Variants in DENND5B observed in about 807,000 individuals in gnomAD.
The protein encoded by DENND5B is DENN domain containing 5B.
Under a neutral mutation model 140.6 loss-of-function variants are expected in DENND5B, and 34 were observed. The ratio of observed to expected loss-of-function variants is 0.24; its 90% CI spans 0.18 to 0.32. The LOEUF (loss-of-function observed/expected upper bound fraction) is 0.32. Ranked by LOEUF, DENND5B falls within the 10% of genes least tolerant of loss-of-function variation. DENND5B has a pLI of 1.00. For missense variants in DENND5B, 1,142 were observed against 1,560.2 expected (o/e 0.73, Z 4.52); for synonymous variants, 551 against 562.1 (o/e 0.98, Z 0.28).
intron 2 of DENND5B, among the ~76,000 whole-genome samples, chr12:31,480,890 C>T (rs1171493831): frequency 6.6e-6 from 1 of 152,144 alleles, no homozygotes; most frequent in Non-Finnish European, 1.5e-5. Flanking sequence ...TTTTAGATTA[C>T]TTCTAGTAGA....
chr12:31,494,221 T>TATCTACCTACCTAC (rs3034051), intron 2 of DENND5B, among the ~76,000 whole-genome samples: 3 of 106,570 alleles, frequency 2.8e-5, no homozygotes, highest in African/African-American at 1.1e-4. Context: ...CCTACCTACC[T>TATCTACCTACCTAC]CTACCTACCT....
intron 1 of DENND5B, among the ~76,000 whole-genome samples, chr12:31,555,223 T>C (rs1434140617): frequency 6.6e-6 from 1 of 152,194 alleles, no homozygotes; most frequent in Admixed American, 6.5e-5. Flanking sequence ...GACGTACAGA[T>C]GGGTTTTTGG....
At chr12:31,485,010 C>T (rs548653332) in intron 2 of DENND5B, among the ~76,000 whole-genome samples, 2 of 152,138 alleles carry the variant, frequency 1.3e-5, no homozygotes, top group South Asian at 2.1e-4. Context: ...CAAACTTGCA[C>T]CAAAAAAAGG....
intron 3 of DENND5B, among the ~76,000 whole-genome samples, chr12:31,471,174 G>A (rs549007193): frequency 2.6e-4 from 40 of 152,266 alleles, no homozygotes; most frequent in African/African-American, 3.4e-4. Flanking sequence ...CACTCCCAAC[G>A]GGAAAAATTA....
intron 1 of DENND5B, among the ~76,000 whole-genome samples, chr12:31,505,073 C>G (rs1350547920): frequency 6.6e-6 from 1 of 152,146 alleles, no homozygotes; most frequent in East Asian, 1.9e-4. Flanking sequence ...CAGCAGTTAG[C>G]TATTCATGTG....
intron 19 of DENND5B, 52 bp downstream of exon 19, chr12:31,392,215 T>G: frequency 6.2e-7 from 1 of 1,602,388 alleles, no homozygotes. Flanking sequence ...GTCTTTGAGT[T>G]CCTAAGAAAG....
At chr12:31,427,209 C>A (rs1943279440) in intron 8 of DENND5B, among the ~76,000 whole-genome samples, 1 of 152,202 alleles carries the variant, frequency 6.6e-6, no homozygotes, top group East Asian at 1.9e-4. Context: ...GAAACTTAAC[C>A]AAATGCTCTT....
intron 1 of DENND5B, among the ~76,000 whole-genome samples, chr12:31,553,398 C>T (rs12823401): frequency 1.3e-5 from 2 of 152,048 alleles, no homozygotes; most frequent in Admixed American, 6.6e-5. Context: ...AATCCTGAGT[C>T]CTAGTTTGAT....
At position 31,399,657 on chromosome 12, in the gene DENND5B, T is replaced by C; in HGVS notation, c.3065A>G (p.Tyr1022Cys). ...MVRNEITGHT[Y>C]RFPCGRWLGK... ...GTTCCCAAGGCCATTTACTTACCTG[T>C]ATGTATGTCCTGTGATTTCATTTCT... Residue 1022 changes from tyrosine (Y) to cysteine (C), a missense_variant, in exon 16 of 21, where the codon TAC (tyrosine) becomes TGC (cysteine). Transcript: ENST00000389082. 4 of 1,612,450 alleles carry C rather than the reference T, an allele frequency of 2.5e-6. No homozygotes were observed. The highest frequency in any genetic ancestry group is 3.4e-6 in the Non-Finnish European group (4 of 1,178,728).
rs757968383 is a variant in DENND5B at position 31,452,265 on chromosome 12, C to T, written c.1304G>A (p.Gly435Asp). The change falls in exon 5 of 21, where the codon GGC (glycine) becomes GAC (aspartate). Residue 435 changes from glycine (G) to aspartate (D), a missense_variant. By Grantham distance (94) the Gly-to-Asp change is moderately conservative. Coordinates refer to ENST00000389082, the MANE Select transcript of DENND5B (RefSeq NM_144973.4). ...LKDLVNDKKNGNVCTNNISMY... is the reference protein window; with the variant it reads ...LKDLVNDKKNDNVCTNNISMY... Reference sequence around the variant, plus strand: ...GCTGATGTTATTAGTACAGACATTGCCGTTCTTTTTGTCATTGACCAAGTC... The same window carrying T: ...GCTGATGTTATTAGTACAGACATTGTCGTTCTTTTTGTCATTGACCAAGTC... 10 of 1,613,928 alleles carry T rather than the reference C, an allele frequency of 6.2e-6. No homozygotes were observed. The highest frequency in any genetic ancestry group is 1.1e-5 in the South Asian group (1 of 91,078).
chr12:31,392,415 G>GCCA (rs774800837), intron 18 of DENND5B, 22 bp from the exon 19 acceptor site: 2 of 1,609,064 alleles, frequency 1.2e-6, no homozygotes, highest in Non-Finnish European at 1.7e-6. Flanking sequence ...AACACACAGT[G>GCCA]CCAAAGAAAA....
chr12:31,550,766 G>GT (rs1565686678), intron 1 of DENND5B, among the ~76,000 whole-genome samples: 1 of 152,156 alleles, frequency 6.6e-6, no homozygotes, highest in East Asian at 1.9e-4. Context: ...TCCAACTGGT[G>GT]TGAGATGGTA....
At chr12:31,409,671 G>A (rs1942339174) in intron 13 of DENND5B, among the ~76,000 whole-genome samples, 1 of 151,864 alleles carries the variant, frequency 6.6e-6, no homozygotes, top group South Asian at 2.1e-4. Context: ...TAGGGATGGG[G>A]TTTCACCATG....
chr12:31,495,938 A>C lies in DENND5B; in HGVS notation c.128-19T>G. 1 of 1,536,168 alleles carries C rather than the reference A, an allele frequency of 6.5e-7. No homozygotes were observed. ...TTTTCGCCTACAACAAATAATACAT[A>C]GTTAATATCTAGAACTTTTCCAAAA... On this transcript the variant is annotated intron_variant, in intron 1 of 20. Transcript: ENST00000389082.
intron 1 of DENND5B, among the ~76,000 whole-genome samples, chr12:31,571,621 T>C (rs1949825446): frequency 6.6e-6 from 1 of 152,178 alleles, no homozygotes; most frequent in African/African-American, 2.4e-5. Context: ...GCCACAATTT[T>C]TTTTTTTGTT....
chr12:31,434,174 T>C (rs918110573), intron 7 of DENND5B, among the ~76,000 whole-genome samples: 1 of 152,194 alleles, frequency 6.6e-6, no homozygotes, highest in Admixed American at 6.5e-5. Context: ...TATCAAAATA[T>C]GCAGGACAAA....
chr12:31,479,077 T>G (rs186005165), intron 3 of DENND5B, among the ~76,000 whole-genome samples: 1 of 152,156 alleles, frequency 6.6e-6, no homozygotes, highest in Non-Finnish European at 1.5e-5. Context: ...CTGCTCACCT[T>G]TTCTCTCACT....
At chr12:31,396,074 T>G (rs1226372917) in intron 17 of DENND5B, among the ~76,000 whole-genome samples, 201 of 143,758 alleles carry the variant, frequency 1.4e-3, no homozygotes, top group Non-Finnish European at 2.3e-3. Flanking sequence ...TTTTTTTTTT[T>G]TTTTGAGACG....
chr12:31,569,166 C>A (rs1677186), intron 1 of DENND5B, among the ~76,000 whole-genome samples: 121,814 of 150,274 alleles, frequency 0.81, 49,632 homozygotes, highest in East Asian at 0.89. Context: ...TTCCAGGCTC[C>A]GGTGGTCCTC....
Sources: gnomAD v4.1 joint callset for allele counts (sites outside exome capture counted in the v4.1 genomes callset) on GRCh38, gnomAD v4.1.1 for gene constraint, MANE v1.5 for transcripts, NCBI Gene and HGNC (gene_info 2026-07-23, HGNC 2026-07-21) for gene names.